CNTN5: variants seen among roughly 807,000 people sequenced by gnomAD.
CNTN5 encodes contactin 5.
In CNTN5, 77 loss-of-function variants were observed where a neutral mutation model predicts 129.1. The observed-to-expected ratio is 0.60, with a 90% CI of 0.50 to 0.72. The LOEUF (loss-of-function observed/expected upper bound fraction) is 0.72. Ranked by LOEUF, CNTN5 falls within the 30% of genes least tolerant of loss-of-function variation. The pLI is 0.00. For synonymous variants in CNTN5, 509 were observed against 465.6 expected (o/e 1.09, Z -1.20); for missense variants, 1,478 against 1,328.8 (o/e 1.11, Z -1.75).
At chr11:100,014,832 G>A (rs1450929951) in intron 9 of CNTN5, among the ~76,000 whole-genome samples, 1 of 152,004 alleles carries the variant, frequency 6.6e-6, no homozygotes, top group Non-Finnish European at 1.5e-5. Context: ...CCTATTTGAT[G>A]TTCTTCAATA....
At chr11:100,145,842 G>A (rs1946835516) in intron 13 of CNTN5, among the ~76,000 whole-genome samples, 1 of 152,090 alleles carries the variant, frequency 6.6e-6, no homozygotes, top group Non-Finnish European at 1.5e-5. Flanking sequence ...AACCATGAGA[G>A]GACTTAAGGG....
chr11:99,942,291 C>A (rs1333920524), intron 7 of CNTN5, among the ~76,000 whole-genome samples: 1 of 151,778 alleles, frequency 6.6e-6, no homozygotes, highest in Non-Finnish European at 1.5e-5. Flanking sequence ...GAACATAGGA[C>A]CACTACAAGA....
intron 3 of CNTN5, among the ~76,000 whole-genome samples, chr11:99,556,515 A>G (rs1948669580): frequency 7.2e-6 from 1 of 138,188 alleles, no homozygotes; most frequent in Admixed American, 7.6e-5. Flanking sequence ...CTTGACATTC[A>G]TTTGCAATCT....
At chr11:99,452,736 T>A (rs190420466) in intron 2 of CNTN5, among the ~76,000 whole-genome samples, 36 of 152,228 alleles carry the variant, frequency 2.4e-4, no homozygotes, top group Admixed American at 5.9e-4. Flanking sequence ...TTATTATAGT[T>A]CTATGTACGA....
At chr11:99,169,262 C>T (rs1861034130) in intron 1 of CNTN5, among the ~76,000 whole-genome samples, 1 of 152,030 alleles carries the variant, frequency 6.6e-6, no homozygotes, top group Non-Finnish European at 1.5e-5. Flanking sequence ...CCTGAATATT[C>T]ATATACTAGT....
At chr11:100,127,413 T>C (rs1337774489) in intron 13 of CNTN5, among the ~76,000 whole-genome samples, 1 of 152,024 alleles carries the variant, frequency 6.6e-6, no homozygotes, top group African/African-American at 2.4e-5. Context: ...TCATAGTTTT[T>C]AATGTTATTT....
intron 3 of CNTN5, 89 bp from the exon 4 acceptor site, chr11:99,819,455 A>C (rs1175601416): frequency 1.8e-5 from 20 of 1,131,720 alleles, no homozygotes; most frequent in Non-Finnish European, 2.4e-5. Context: ...GAAGGTTTTT[A>C]GTAATGTCTT....
intron 3 of CNTN5, among the ~76,000 whole-genome samples, chr11:99,791,159 T>G (rs1254691609): frequency 7.2e-5 from 11 of 152,104 alleles, no homozygotes; most frequent in African/African-American, 2.7e-4. Context: ...AGATCTCATT[T>G]ATAAATTTTT....
At chr11:99,607,426 A>C (rs199828250) in intron 3 of CNTN5, among the ~76,000 whole-genome samples, 1 of 138,414 alleles carries the variant, frequency 7.2e-6, no homozygotes, top group African/African-American at 2.7e-5. Context: ...TTAGAATGGC[A>C]ATCATTAAAA....
At chr11:99,602,316 A>G (rs1410919876) in intron 3 of CNTN5, among the ~76,000 whole-genome samples, 1 of 152,098 alleles carries the variant, frequency 6.6e-6, no homozygotes, top group East Asian at 1.9e-4. Flanking sequence ...TTTGATGGAG[A>G]ATAGAAATAG....
In CNTN5 at chr11:100,135,174, G is replaced by GTT. The variant is rs1491516146; in HGVS notation, c.1581-55951_1581-55950insTT. 3.9e-5 allele frequency among the ~76,000 whole-genome samples: 5 copies of GTT among 128,044 alleles called. 1 individual carries two copies. The Admixed American group carries it at 4.3e-4, about 11-fold the overall frequency. The allele number at this position is 128,044 out of a possible 152,430, so 84.0% of individuals were successfully genotyped here. On this transcript the variant is annotated intron_variant, in intron 13 of 24. Transcript: ENST00000524871. ...TTATCTTGTTAGGTTGGATATAAAA[G>GTT]TGTTTTTTTTTTTTTTTTTGAGACA... is the stretch of plus-strand genomic sequence containing the variant.
intron 1 of CNTN5, among the ~76,000 whole-genome samples, chr11:99,175,492 T>G (rs923274872): frequency 6.6e-6 from 1 of 152,010 alleles, no homozygotes; most frequent in Non-Finnish European, 1.5e-5. Flanking sequence ...TTAGAAGTGA[T>G]GAAGAGATAG....
At chr11:99,732,980 A>G (rs1215246811) in intron 3 of CNTN5, among the ~76,000 whole-genome samples, 1 of 152,064 alleles carries the variant, frequency 6.6e-6, no homozygotes, top group Admixed American at 6.5e-5. Context: ...GCTCTTAGGA[A>G]TTTTTTCAGC....
chr11:100,156,572 G>A (rs1947250626), intron 13 of CNTN5, among the ~76,000 whole-genome samples: 1 of 152,056 alleles, frequency 6.6e-6, no homozygotes, highest in African/African-American at 2.4e-5. Context: ...GTTTCAGAAG[G>A]AATGGTACCA....
At chr11:99,918,184 T>A (rs548031775) in intron 7 of CNTN5, among the ~76,000 whole-genome samples, 30 of 152,180 alleles carry the variant, frequency 2.0e-4, no homozygotes, top group Non-Finnish European at 4.0e-4. Flanking sequence ...ATTATCATAT[T>A]CTTTTATACA....
chr11:99,097,695 T>C (rs17132996), intron 1 of CNTN5, among the ~76,000 whole-genome samples: 3,831 of 152,010 alleles, frequency 0.025, 158 homozygotes, highest in African/African-American at 0.088. Context: ...ATTGATACAA[T>C]TAATTTGAGA....
At chr11:99,088,225 T>C (rs1298762284) in intron 1 of CNTN5, among the ~76,000 whole-genome samples, 1 of 152,198 alleles carries the variant, frequency 6.6e-6, no homozygotes, top group Non-Finnish European at 1.5e-5. Context: ...TCACTCACTT[T>C]GCATGCACCA....
chr11:99,412,035 A>T (rs12224352), intron 2 of CNTN5, among the ~76,000 whole-genome samples: 37,478 of 152,136 alleles, frequency 0.25, 5,679 homozygotes, highest in Non-Finnish European at 0.35. Flanking sequence ...AAAAATAAAG[A>T]AATGGGGAAA....
intron 3 of CNTN5, among the ~76,000 whole-genome samples, chr11:99,805,763 C>G (rs1946250057): frequency 1.3e-5 from 2 of 152,136 alleles, no homozygotes; most frequent in Non-Finnish European, 2.9e-5. Context: ...ATACAAGTGT[C>G]TACATTTTAA....
Sources: allele counts gnomAD v4.1 joint callset (sites outside exome capture counted in the v4.1 genomes callset), GRCh38; gene constraint gnomAD v4.1.1; transcripts MANE v1.5; gene names NCBI Gene and HGNC (gene_info 2026-07-23, HGNC 2026-07-21).